The following CD99L2 variants were observed in gnomAD, a reference collection of about 807,000 sequenced individuals.
CD99L2 encodes CD99 antigen-like protein 2.
In CD99L2, 24 loss-of-function variants were observed where a neutral mutation model predicts 27.3. The ratio of observed to expected loss-of-function variants is 0.88; its 90% CI spans 0.64 to 1.24. The LOEUF (loss-of-function observed/expected upper bound fraction) is 1.24, where lower values mean the gene tolerates loss of function less well. Ranked by LOEUF, CD99L2 falls within the 50% of genes most tolerant of loss-of-function variation. CD99L2 has a pLI of 0.00. For missense variants in CD99L2, 255 were observed against 221.6 expected (o/e 1.15, Z -0.96); for synonymous variants, 97 against 87.9 (o/e 1.10, Z -0.58).
intron 4 of CD99L2, among the ~76,000 whole-genome samples, chrX:150,811,366 A>G (rs1461123585): frequency 8.9e-6 from 1 of 111,915 alleles, no homozygotes; most frequent in Non-Finnish European, 1.9e-5. Context: ...AAATTTTAAA[A>G]AGGAAATAGA....
At chrX:150,777,297 A>G in intron 8 of CD99L2, 147 bp downstream of exon 8, 1 of 672,542 alleles carries the variant, frequency 1.5e-6, no homozygotes, top group Non-Finnish European at 2.3e-6. Flanking sequence ...CCATCTTTGC[A>G]GCTATCTTAT....
At chrX:150,792,537 G>A (rs936301774) in intron 7 of CD99L2, among the ~76,000 whole-genome samples, 2 of 111,948 alleles carry the variant, frequency 1.8e-5, no homozygotes, top group Admixed American at 9.5e-5. Flanking sequence ...TCCTTTAATC[G>A]GAAGAGAACA....
Position 150,777,449 on chromosome X carries a change from C to G in CD99L2, c.530G>C (p.Gly177Ala). 1 of 1,211,745 alleles carries G rather than the reference C, an allele frequency of 8.3e-7. No individual in the cohort carries two copies. The highest frequency in any genetic ancestry group is 1.7e-5 in the African/African-American group (1 of 57,844). The change falls in exon 8 of 11, where the codon GGA becomes GCA. Residue 177 changes from glycine (G) to alanine (A), a missense_variant. Transcript: ENST00000370377. ...DGRYGSNDDP[G>A]SGMVAEPGTI... is the part of the protein sequence containing the mutation. ...CTCAGGATTCAGAAACCCACCAGAT[C>G]CAGGGTCGTCATTGCTGCCGTACCG...
chrX:150,816,760 C>A (rs1022961386), intron 2 of CD99L2, among the ~76,000 whole-genome samples: 8 of 106,994 alleles, frequency 7.5e-5, no homozygotes, highest in Non-Finnish European at 1.2e-4. Context: ...ATGTTTATTG[C>A]GGCACTATTC....
intron 1 of CD99L2, among the ~76,000 whole-genome samples, chrX:150,837,939 T>G (rs2046558883): frequency 8.9e-6 from 1 of 112,182 alleles, no homozygotes; most frequent in Non-Finnish European, 1.9e-5. Context: ...AAAGGGGAAA[T>G]AGAAAAACTT....
intron 4 of CD99L2, among the ~76,000 whole-genome samples, chrX:150,802,629 T>C (rs1158550265): frequency 3.1e-5 from 3 of 98,104 alleles, no homozygotes; most frequent in African/African-American, 1.1e-4. Context: ...TCGCCCAGGC[T>C]GGAGTGCAGT....
chrX:150,796,742 AAC>A lies in CD99L2; in HGVS notation c.278-1258_278-1257del, dbSNP rs1365584171. Among the ~76,000 whole-genome samples, 5 of 112,524 alleles carry A rather than the reference AAC, an allele frequency of 4.4e-5. No homozygotes were observed. The Admixed American group carries it at 4.7e-4, about 11-fold the overall frequency. ...AATATTCACCTGAGATCATATTCTG[AAC>A]CAGGAAATAAACTTCAACAAATTTA... On this transcript the variant is annotated intron_variant, in intron 4 of 10. Transcript: ENST00000370377.
At chrX:150,773,679 A>C (rs147454031) in intron 9 of CD99L2, among the ~76,000 whole-genome samples, 1,201 of 112,637 alleles carry the variant, frequency 0.011, 11 homozygotes, top group African/African-American at 0.037. Context: ...AAGGATGTTA[A>C]GATGAGGTCA....
chrX:150,821,583 C>T (rs12857413), intron 2 of CD99L2, among the ~76,000 whole-genome samples: 7,938 of 111,723 alleles, frequency 0.071, 307 homozygotes, highest in Non-Finnish European at 0.11. Flanking sequence ...TCCTCATGAC[C>T]TTTGATTTGG....
intron 1 of CD99L2, among the ~76,000 whole-genome samples, chrX:150,879,037 C>T (rs782753586): frequency 2.8e-4 from 31 of 112,116 alleles, no homozygotes; most frequent in African/African-American, 1.0e-3. Flanking sequence ...GGAGTGAGGT[C>T]ACCCCTTCCT....
intron 1 of CD99L2, among the ~76,000 whole-genome samples, chrX:150,891,496 T>C (rs1204906773): frequency 5.4e-5 from 6 of 112,001 alleles, no homozygotes; most frequent in African/African-American, 1.9e-4. Context: ...CTCTTCTGTA[T>C]TTAAAGGACC....
At chrX:150,868,625 C>A (rs12009853) in intron 1 of CD99L2, among the ~76,000 whole-genome samples, 25,691 of 111,429 alleles carry the variant, frequency 0.23, 2,533 homozygotes, top group African/African-American at 0.39. Flanking sequence ...GTATCCTTTA[C>A]AAAATCTCTT....
In CD99L2 at chrX:150,842,443, G is replaced by C. The variant is rs192151053; in HGVS notation, c.68-11150C>G. Among the ~76,000 whole-genome samples the C allele has an allele frequency of 2.9e-4, 33 of 112,124 alleles. No individual in the cohort carries two copies. The Middle Eastern group carries it at 0.014, about 47-fold the overall frequency. On this transcript the variant is annotated intron_variant, in intron 1 of 10. Coordinates refer to ENST00000370377, the MANE Select transcript of CD99L2 (RefSeq NM_031462.4). ...ACAAGGCACAGCTGCCCTTGTTAGA[G>C]AATTCCACCCTGAACTGGCTGTGAT...
At chrX:150,855,542 G>A (rs781953313) in intron 1 of CD99L2, among the ~76,000 whole-genome samples, 26 of 111,196 alleles carry the variant, frequency 2.3e-4, no homozygotes, top group Non-Finnish European at 3.8e-4. Flanking sequence ...TCACTATCAT[G>A]AGAACAATGA....
At chrX:150,871,917 G>C (rs2047162862) in intron 1 of CD99L2, among the ~76,000 whole-genome samples, 1 of 112,058 alleles carries the variant, frequency 8.9e-6, no homozygotes, top group Admixed American at 9.5e-5. Context: ...TTCTAGAAGA[G>C]ATAAAATTAA....
chrX:150,800,274 G>C (rs1158174305), intron 4 of CD99L2, among the ~76,000 whole-genome samples: 2 of 111,007 alleles, frequency 1.8e-5, no homozygotes. Context: ...TTTCTAGCTG[G>C]GCTGATGAAA....
intron 2 of CD99L2, among the ~76,000 whole-genome samples, chrX:150,824,070 GGAGGAA>G (rs2046284431): frequency 1.1e-5 from 1 of 93,711 alleles, no homozygotes; most frequent in Non-Finnish European, 2.1e-5. Context: ...AGGAAGAGGA[GGAGGAA>G]GAGGAAGAAG....
intron 9 of CD99L2, among the ~76,000 whole-genome samples, chrX:150,770,863 C>T (rs2043438225): frequency 8.9e-6 from 1 of 112,807 alleles, no homozygotes; most frequent in Non-Finnish European, 1.9e-5. Flanking sequence ...CCCAGCAACA[C>T]CCGCGCGGAG....
At chrX:150,861,852 G>C (rs1414768635) in intron 1 of CD99L2, among the ~76,000 whole-genome samples, 1 of 109,077 alleles carries the variant, frequency 9.2e-6, no homozygotes, top group Non-Finnish European at 1.9e-5. Flanking sequence ...GTTTCAGTGA[G>C]CTGAGATCAC....
Sources: allele counts gnomAD v4.1 joint callset (sites outside exome capture counted in the v4.1 genomes callset), GRCh38; gene constraint gnomAD v4.1.1; transcripts MANE v1.5; gene names NCBI Gene and HGNC (gene_info 2026-07-23, HGNC 2026-07-21).